The following LRMDA variants were observed in gnomAD, a reference collection of about 807,000 sequenced individuals.
LRMDA encodes the protein leucine rich melanocyte differentiation associated.
LRMDA carries 18 observed loss-of-function variants against 29.8 expected under a neutral mutation model. The observed-to-expected ratio is 0.60, with a 90% CI of 0.42 to 0.90. The LOEUF is 0.90. Among genes scored for constraint, LRMDA ranks in the 40% least tolerant of loss-of-function variants. The pLI, the probability that LRMDA is intolerant of heterozygous loss-of-function variation, is 0.00. For missense variants in LRMDA, 273 were observed against 273.9 expected, an observed-to-expected ratio of 1.00 and a Z score of 0.02; for synonymous variants, 125 against 109.4, an observed-to-expected ratio of 1.14 and a Z score of -0.89.
At chr10:75,904,364 A>C (rs573724048) in intron 2 of LRMDA, among the ~76,000 whole-genome samples, 286 of 152,268 alleles carry the variant, frequency 1.9e-3, no homozygotes, top group Middle Eastern at 3.4e-3. Flanking sequence ...ATTAATTCTG[A>C]GGTCCTGTAG....
chr10:75,450,139 A>G (rs1363895033), intron 2 of LRMDA: 4 of 152,142 alleles, frequency 2.6e-5, no homozygotes, highest in Non-Finnish European at 4.4e-5. Context: ...GACTTTTCTA[A>G]TAAAAGGTTT....
chr10:75,857,302 C>T (rs887468676), intron 2 of LRMDA, among the ~76,000 whole-genome samples: 5 of 152,134 alleles, frequency 3.3e-5, no homozygotes, highest in Admixed American at 6.5e-5. Context: ...GGCATGTTTC[C>T]GAACCTCCTT....
intron 2 of LRMDA, among the ~76,000 whole-genome samples, chr10:75,828,376 G>A (rs140567349): frequency 1.3e-5 from 2 of 152,120 alleles, no homozygotes; most frequent in African/African-American, 4.8e-5. Context: ...TCTTTACTGA[G>A]GTTTATATTG....
At chr10:75,608,122 A>G (rs1174325324) in intron 2 of LRMDA, among the ~76,000 whole-genome samples, 3 of 107,260 alleles carry the variant, frequency 2.8e-5, no homozygotes, top group African/African-American at 7.8e-5. Context: ...ATATATATAT[A>G]TATATATACA....
chr10:75,438,368 T>C (rs1286728427), intron 1 of LRMDA, 26 bp from the exon 2 acceptor site: 4 of 1,522,920 alleles, frequency 2.6e-6, no homozygotes, highest in Non-Finnish European at 3.6e-6. Context: ...ATTTGCCACA[T>C]TGTTTCTGTT....
At chr10:76,373,299 T>C (rs1841476866) in intron 6 of LRMDA, among the ~76,000 whole-genome samples, 1 of 152,108 alleles carries the variant, frequency 6.6e-6, no homozygotes, top group Non-Finnish European at 1.5e-5. Flanking sequence ...GTTTTGGAAA[T>C]AGTCCATCAG....
At chr10:76,185,347 G>A (rs1015466677) in intron 5 of LRMDA, among the ~76,000 whole-genome samples, 4 of 152,188 alleles carry the variant, frequency 2.6e-5, no homozygotes, top group African/African-American at 4.8e-5. Flanking sequence ...GTTTACATAA[G>A]ATCTTCTGCA....
At chr10:75,449,423 C>G (rs1343773025) in intron 2 of LRMDA, among the ~76,000 whole-genome samples, 2 of 152,104 alleles carry the variant, frequency 1.3e-5, no homozygotes, top group Non-Finnish European at 2.9e-5. Context: ...TACAGTTATC[C>G]TAAACTGCTT....
At chr10:76,259,183 TG>T (rs1424138508) in intron 5 of LRMDA, among the ~76,000 whole-genome samples, 4 of 152,162 alleles carry the variant, frequency 2.6e-5, no homozygotes. Flanking sequence ...GCTATCTCAT[TG>T]GTGTTTTGAT....
Position 76,036,013 on chromosome 10 carries a change from T to C in LRMDA, c.137T>C (p.Leu46Pro). 1.9e-6 allele frequency: 3 copies of C among 1,614,046 alleles called. No individual in the cohort carries two copies. The highest frequency in any genetic ancestry group is 2.5e-6 in the Non-Finnish European group (3 of 1,179,972). Residue 46 changes from leucine to proline, a missense_variant, in exon 3 of 7, where the codon CTG becomes CCG. Leu to Pro is a moderately conservative substitution (Grantham distance 98). Coordinates refer to ENST00000611255, the MANE Select transcript of LRMDA (RefSeq NM_001305581.2). ...LDLSFNLLRS[L>P]EGLSAFRSLE... ...TGTTGCCTTTGTCATTGCAGGTCACTGGAAGGACTGAGCGCATTCAGGAGC... is the reference window on the plus strand; with the variant it reads ...TGTTGCCTTTGTCATTGCAGGTCACCGGAAGGACTGAGCGCATTCAGGAGC...
chr10:76,106,116 T>C (rs1017645395), intron 5 of LRMDA, among the ~76,000 whole-genome samples: 1 of 152,214 alleles, frequency 6.6e-6, no homozygotes, highest in African/African-American at 2.4e-5. Context: ...ACTATTAGTA[T>C]AGTGCCCAAT....
intron 2 of LRMDA, among the ~76,000 whole-genome samples, chr10:75,901,583 T>TG (rs964849287): frequency 6.6e-6 from 1 of 151,930 alleles, no homozygotes; most frequent in Non-Finnish European, 1.5e-5. Context: ...GAAGTATTCA[T>TG]GGGGGGAGAA....
chr10:76,289,408 A>G (rs16933174), intron 5 of LRMDA, among the ~76,000 whole-genome samples: 7,659 of 152,090 alleles, frequency 0.05, 507 homozygotes, highest in African/African-American at 0.15. Context: ...ACTATTTCCA[A>G]TGTTATTTTT....
intron 5 of LRMDA, among the ~76,000 whole-genome samples, chr10:76,297,665 C>G (rs557708679): frequency 2.6e-5 from 4 of 152,278 alleles, no homozygotes; most frequent in Non-Finnish European, 5.9e-5. Context: ...AAGTAGAATC[C>G]TAAATATGGG....
intron 2 of LRMDA, among the ~76,000 whole-genome samples, chr10:75,468,022 T>C: frequency 6.7e-6 from 1 of 148,988 alleles, no homozygotes; most frequent in African/African-American, 2.5e-5. Context: ...TATTGCTCAG[T>C]CATACTTAGG....
intron 2 of LRMDA, among the ~76,000 whole-genome samples, chr10:75,459,186 A>G (rs372401964): frequency 1.3e-5 from 2 of 152,278 alleles, no homozygotes; most frequent in East Asian, 1.9e-4. Context: ...CATGCCTGTA[A>G]TTCCAGTACT....
At chr10:76,042,475 C>T (rs1481824172) in intron 3 of LRMDA, among the ~76,000 whole-genome samples, 1 of 152,178 alleles carries the variant, frequency 6.6e-6, no homozygotes, top group Non-Finnish European at 1.5e-5. Context: ...GGGACAGATC[C>T]AGGTTTGGGG....
chr10:75,937,708 C>T (rs776725899), intron 2 of LRMDA, among the ~76,000 whole-genome samples: 1 of 152,214 alleles, frequency 6.6e-6, no homozygotes, highest in South Asian at 2.1e-4. Flanking sequence ...TACGACTTCA[C>T]TTCCACCTGG....
chr10:76,522,846 C>T (rs1359489850), intron 6 of LRMDA, among the ~76,000 whole-genome samples: 1 of 152,086 alleles, frequency 6.6e-6, no homozygotes, highest in Non-Finnish European at 1.5e-5. Context: ...GGAGGGCTCC[C>T]TTTTATCCTT....
Sources: allele counts gnomAD v4.1 joint callset (sites outside exome capture counted in the v4.1 genomes callset), GRCh38; gene constraint gnomAD v4.1.1; transcripts MANE v1.5; gene names NCBI Gene and HGNC (gene_info 2026-07-23, HGNC 2026-07-21).